ATR: variants seen among roughly 807,000 people sequenced by gnomAD.
The protein encoded by ATR is ATR checkpoint kinase, also known as serine/threonine-protein kinase ATR.
In ATR, 142 loss-of-function variants were observed where a neutral mutation model predicts 305.3. The ratio of observed to expected loss-of-function variants is 0.47; its 90% confidence interval spans 0.41 to 0.53. ATR has a LOEUF of 0.53. Ranked by LOEUF, ATR falls within the 20% of genes least tolerant of loss-of-function variation. ATR has a pLI of 0.00. For synonymous variants in ATR, 1,050 were observed against 1,068.1 expected (o/e 0.98, Z 0.33); for missense variants, 2,135 against 3,133.1 (o/e 0.68, Z 7.60).
chr3:142,549,731 C>T, intron 14 of ATR, 58 bp from the exon 15 acceptor site: 1 of 1,518,936 alleles, frequency 6.6e-7, no homozygotes, highest in South Asian at 1.2e-5. Flanking sequence ...AAAAAATATT[C>T]ACATAAGCTA....
chr3:142,465,751 AC>A (rs984351439), intron 40 of ATR: 1 of 161,804 alleles, frequency 6.2e-6, no homozygotes, highest in African/African-American at 2.4e-5. Context: ...CATGTTTGTT[AC>A]ACTAACACTT....
In ATR at chr3:142,568,077, G is replaced by A. The variant is rs780303453; in HGVS notation, c.137C>T (p.Thr46Ile). The change falls in exon 2 of 47, where the codon ACA becomes ATA. Residue 46 changes from threonine (T) to isoleucine (I), a missense_variant. By Grantham distance (89) the Thr-to-Ile change is moderately conservative. Coordinates refer to ENST00000350721, the MANE Select transcript of ATR (RefSeq NM_001184.4). ...ILCQFIDRILTDVNVVAVELV... is the reference protein window; with the variant it reads ...ILCQFIDRILIDVNVVAVELV... The stretch of plus-strand genomic sequence containing the variant: ...TGGTTTCTTACCAACATTTACATCT[G>A]TAAGTATCCGGTCAATGAATTGACA... 2.5e-6 allele frequency: 4 copies of A among 1,609,110 alleles called. No homozygotes were observed. Among genetic ancestry groups the A allele is most frequent in the Non-Finnish European group, 3.4e-6 (4 of 1,176,586 alleles).
chr3:142,534,349 A>C (rs2033773932), intron 21 of ATR, among the ~76,000 whole-genome samples: 1 of 152,080 alleles, frequency 6.6e-6, no homozygotes, highest in Admixed American at 6.6e-5. Flanking sequence ...ATACAAACTC[A>C]CTGCCCCAGA....
At chr3:142,489,491 T>C (rs758427629) in intron 35 of ATR, among the ~76,000 whole-genome samples, 3 of 152,184 alleles carry the variant, frequency 2.0e-5, no homozygotes, top group Non-Finnish European at 2.9e-5. Context: ...CCCAGGCAAA[T>C]ACTGATATAA....
At chr3:142,451,816 G>C in intron 46 of ATR, 1 of 1,275,706 alleles carries the variant, frequency 7.8e-7, no homozygotes, top group Non-Finnish European at 1.0e-6. Flanking sequence ...TATATAGCTT[G>C]AGTGTGATCC....
chr3:142,561,139 G>T, intron 5 of ATR, 104 bp downstream of exon 5: 1 of 1,280,248 alleles, frequency 7.8e-7, no homozygotes, highest in Non-Finnish European at 1.1e-6. Context: ...TTAGAAAGAT[G>T]TTCTTTGTGT....
intron 36 of ATR, among the ~76,000 whole-genome samples, chr3:142,473,673 GT>G (rs1382633305): frequency 1.3e-5 from 2 of 151,690 alleles, no homozygotes; most frequent in African/African-American, 4.8e-5. Flanking sequence ...AACCTCCTGA[GT>G]AGCTAGGATT....
chr3:142,507,948 G>A lies in ATR; in HGVS notation c.5014C>T (p.His1672Tyr). The change falls in exon 28 of 47, where the codon CAT becomes TAT. Residue 1672 changes from histidine to tyrosine, a missense_variant. Coordinates refer to ENST00000350721, the MANE Select transcript of ATR (RefSeq NM_001184.4). ...CTTCAGACCTGTAAAAATCCAAGAT[G>A]TTCCTGAATATTTTGCTTCTTTTCT... ...ITEKKQNIQEHLGFLQKLYAA... is the reference protein window; with the variant it reads ...ITEKKQNIQEYLGFLQKLYAA... 1.2e-6 allele frequency: 2 copies of A among 1,610,114 alleles called. No homozygotes were observed. The highest frequency in any genetic ancestry group is 1.7e-6 in the Non-Finnish European group (2 of 1,176,532).
intron 10 of ATR, among the ~76,000 whole-genome samples, chr3:142,555,008 G>T (rs1340951564): frequency 6.6e-6 from 1 of 151,778 alleles, no homozygotes; most frequent in Non-Finnish European, 1.5e-5. Context: ...GGACAGAGTG[G>T]GTAGATTACC....
rs566243609 is a variant in ATR, at chr3:142,504,243, C to T, written c.5197-790G>A. On this transcript the variant is annotated intron_variant, in intron 29 of 46. Coordinates refer to ENST00000350721, the MANE Select transcript of ATR (RefSeq NM_001184.4). ...TGATTCTACAGGACCATTTTAGAGACGTGCAGGTGGGTGAGTAGGTGTATA... is the reference window on the plus strand; with the variant it reads ...TGATTCTACAGGACCATTTTAGAGATGTGCAGGTGGGTGAGTAGGTGTATA... 3.3e-5 allele frequency among the ~76,000 whole-genome samples: 5 copies of T among 152,222 alleles called. No individual in the cohort carries two copies. The East Asian group carries it at 7.7e-4, about 23-fold the overall frequency.
At chr3:142,484,196 G>C (rs1201670421) in intron 36 of ATR, among the ~76,000 whole-genome samples, 2 of 152,150 alleles carry the variant, frequency 1.3e-5, no homozygotes, top group Non-Finnish European at 2.9e-5. Context: ...TCATCCCAGA[G>C]AGGATCCTGC....
Position 142,541,037 on chromosome 3 carries a change from A to G in ATR, c.3451-3T>C. ...AAAGACATCAAACTGTTCAAGGCCT[A>G]TAGAGTTAAGTAGTGCTTCAGAGTA... On this transcript the variant is annotated splice_polypyrimidine_tract_variant and splice_region_variant and intron_variant, in intron 17 of 46. Transcript: ENST00000350721. The G allele has an allele frequency of 1.2e-6, 2 of 1,613,510 alleles. No homozygotes were observed. The highest frequency in any genetic ancestry group is 1.7e-6 in the Non-Finnish European group (2 of 1,179,570).
chr3:142,491,760 A>G (rs1377267933), intron 35 of ATR, among the ~76,000 whole-genome samples: 1 of 152,218 alleles, frequency 6.6e-6, no homozygotes, highest in Non-Finnish European at 1.5e-5. Flanking sequence ...TCCTGGATCT[A>G]AAGATTAGCA....
At chr3:142,451,844 C>CT (rs1278404368) in intron 46 of ATR, 2 of 1,306,980 alleles carry the variant, frequency 1.5e-6, no homozygotes, top group African/African-American at 1.5e-5. Flanking sequence ...GCTCTTTCAG[C>CT]TGTTTAGAAC....
At chr3:142,479,661 T>C (rs966028081) in intron 36 of ATR, among the ~76,000 whole-genome samples, 4 of 152,238 alleles carry the variant, frequency 2.6e-5, no homozygotes, top group Non-Finnish European at 5.9e-5. Context: ...GAAGTTCTCC[T>C]GGATTATATC....
intron 27 of ATR, among the ~76,000 whole-genome samples, chr3:142,510,586 A>C (rs1393030805): frequency 1.3e-5 from 2 of 152,254 alleles, no homozygotes; most frequent in Admixed American, 1.3e-4. Flanking sequence ...AAATTTCAGA[A>C]AAATAATAAA....
intron 29 of ATR, 54 bp downstream of exon 29, chr3:142,505,085 G>A (rs2108354699): frequency 6.3e-7 from 1 of 1,599,218 alleles, no homozygotes; most frequent in Admixed American, 1.7e-5. Context: ...AAGGTTTCCA[G>A]AGTTCCTATT....
At chr3:142,497,256 A>T in intron 32 of ATR, 64 bp from the exon 33 acceptor site, 1 of 1,508,552 alleles carries the variant, frequency 6.6e-7, no homozygotes, top group Non-Finnish European at 9.1e-7. Context: ...CTCATATATA[A>T]AGCAAGTACT....
At chr3:142,509,285 T>G (rs1324152770) in intron 27 of ATR, among the ~76,000 whole-genome samples, 1 of 152,110 alleles carries the variant, frequency 6.6e-6, no homozygotes, top group African/African-American at 2.4e-5. Flanking sequence ...TGCCTCAGCC[T>G]CCCGAGTAGC....
Sources: gnomAD v4.1 joint callset for allele counts (sites outside exome capture counted in the v4.1 genomes callset) on GRCh38, gnomAD v4.1.1 for gene constraint, MANE v1.5 for transcripts, NCBI Gene and HGNC (gene_info 2026-07-23, HGNC 2026-07-21) for gene names.